The following GMDS variants were observed in gnomAD, a reference collection of about 807,000 sequenced individuals.
GMDS encodes GDP-mannose 4,6-dehydratase.
A neutral mutation model predicts 49.9 loss-of-function variants in GMDS; 20 were observed. The ratio of observed to expected loss-of-function variants is 0.40; its 90% CI spans 0.28 to 0.58. The LOEUF (loss-of-function observed/expected upper bound fraction) is 0.58. GMDS is among the 20% of genes least tolerant of loss of function. The pLI is 0.42. For synonymous variants in GMDS, 177 were observed against 178.6 expected, an observed-to-expected ratio of 0.99 and a Z score of 0.07; for missense variants, 362 against 481.4, an observed-to-expected ratio of 0.75 and a Z score of 2.32.
chr6:1,781,170 C>T (rs1769067382), intron 7 of GMDS, among the ~76,000 whole-genome samples: 1 of 152,054 alleles, frequency 6.6e-6, no homozygotes, highest in Non-Finnish European at 1.5e-5. Context: ...AGAAAATGGC[C>T]TTGTGTTTCA....
rs1239232231 is a variant in GMDS at position 1,938,997 on chromosome 6, CTCCT to C, written c.644-8771_644-8768del. 4.1e-3 allele frequency among the ~76,000 whole-genome samples: 568 copies of C among 137,664 alleles called. 3 individuals are homozygous for C. The highest frequency in any genetic ancestry group is 0.015 in the African/African-American group (550 of 36,548). The allele number at this position is 137,664 out of a possible 152,430, so 90.3% of individuals were successfully genotyped here. ...CCCCTCCCCTCCTCTCTCCTCTCCT[CTCCT>C]CTTCTCTTCTCTCTCTCTCTCTTTC... On this transcript the variant is annotated intron_variant, in intron 6 of 10. Coordinates refer to ENST00000380815, the MANE Select transcript of GMDS (RefSeq NM_001500.4).
Position 2,055,691 on chromosome 6 carries a change from A to C in GMDS, c.345+60080T>G, listed in dbSNP as rs141624094. ...CCACATTACCTAAAAAGGACTAACT[A>C]ACTCTGCGGATTAGGCACAGAACTG... On this transcript the variant is annotated intron_variant, in intron 4 of 10. Coordinates refer to ENST00000380815, the MANE Select transcript of GMDS (RefSeq NM_001500.4). Among the ~76,000 whole-genome samples, 44 of 152,266 alleles carry C rather than the reference A, an allele frequency of 2.9e-4. 1 individual carries two copies. Among genetic ancestry groups the C allele is most frequent in the African/African-American group, 9.9e-4 (41 of 41,550 alleles).
intron 4 of GMDS, among the ~76,000 whole-genome samples, chr6:1,970,865 A>AATCCATGCAG: frequency 6.6e-6 from 1 of 151,824 alleles, no homozygotes; most frequent in South Asian, 2.1e-4. Context: ...CTTAATACCT[A>AATCCATGCAG]GGTGATGGGA....
chr6:1,701,124 C>T (rs1765529168), intron 9 of GMDS, among the ~76,000 whole-genome samples: 2 of 152,118 alleles, frequency 1.3e-5, no homozygotes, highest in African/African-American at 4.8e-5. Context: ...ACCCATTTGC[C>T]CTCCTTCATT....
intron 1 of GMDS, among the ~76,000 whole-genome samples, chr6:2,144,347 G>A (rs1388447778): frequency 1.3e-5 from 2 of 152,218 alleles, no homozygotes; most frequent in African/African-American, 4.8e-5. Flanking sequence ...CGCCATGCAG[G>A]CCACACTGGA....
chr6:2,185,844 T>A (rs184621), intron 1 of GMDS, among the ~76,000 whole-genome samples: 6,167 of 152,242 alleles, frequency 0.041, 252 homozygotes, highest in South Asian at 0.13. Context: ...GGCTGCACCC[T>A]GAGTTTCTAG....
chr6:1,977,069 T>C (rs1345005320), intron 4 of GMDS, among the ~76,000 whole-genome samples: 2 of 152,026 alleles, frequency 1.3e-5, no homozygotes, highest in Non-Finnish European at 2.9e-5. Context: ...AATTGAGAAA[T>C]AGAAATTAGT....
chr6:2,132,353 G>A (rs893706915), intron 1 of GMDS, among the ~76,000 whole-genome samples: 1 of 152,130 alleles, frequency 6.6e-6, no homozygotes, highest in Admixed American at 6.5e-5. Flanking sequence ...GGTGTTATGG[G>A]ATGGAGGAGG....
At chr6:1,881,102 T>A (rs1438242517) in intron 7 of GMDS, among the ~76,000 whole-genome samples, 1 of 152,160 alleles carries the variant, frequency 6.6e-6, no homozygotes, top group Admixed American at 6.5e-5. Context: ...TATTTTTCTA[T>A]CATCAGTAAA....
At chr6:1,783,133 C>T (rs1367668283) in intron 7 of GMDS, among the ~76,000 whole-genome samples, 1 of 152,102 alleles carries the variant, frequency 6.6e-6, no homozygotes, top group South Asian at 2.1e-4. Flanking sequence ...CCAGCCTGGG[C>T]AACAGAGTGA....
intron 9 of GMDS, among the ~76,000 whole-genome samples, chr6:1,719,076 C>T (rs1424693310): frequency 1.3e-5 from 2 of 152,084 alleles, no homozygotes; most frequent in Admixed American, 6.5e-5. Context: ...AAGGACAGTT[C>T]CTATTGCTGA....
At chr6:1,691,115 C>T (rs1441536070) in intron 9 of GMDS, among the ~76,000 whole-genome samples, 1 of 152,120 alleles carries the variant, frequency 6.6e-6, no homozygotes, top group Non-Finnish European at 1.5e-5. Flanking sequence ...AACCCAAATG[C>T]TAATCAATGA....
At chr6:2,211,657 A>G (rs1780066870) in intron 1 of GMDS, among the ~76,000 whole-genome samples, 2 of 152,218 alleles carry the variant, frequency 1.3e-5, no homozygotes, top group South Asian at 4.1e-4. Context: ...AATAACTAGA[A>G]AAAATTTTTT....
intron 7 of GMDS, among the ~76,000 whole-genome samples, chr6:1,911,089 G>C (rs753007617): frequency 2.6e-5 from 4 of 152,166 alleles, no homozygotes; most frequent in Non-Finnish European, 5.9e-5. Flanking sequence ...CGAAAGCAAA[G>C]AAAACAGCAA....
chr6:2,022,860 A>G (rs1041512105), intron 4 of GMDS, among the ~76,000 whole-genome samples: 1 of 152,196 alleles, frequency 6.6e-6, no homozygotes, highest in African/African-American at 2.4e-5. Flanking sequence ...AGAACTTCCA[A>G]AACTCCAATA....
At chr6:1,666,376 T>G (rs1443597846) in intron 9 of GMDS, among the ~76,000 whole-genome samples, 1 of 152,164 alleles carries the variant, frequency 6.6e-6, no homozygotes, top group Admixed American at 6.5e-5. Flanking sequence ...GAATATTTCT[T>G]ATTTATGGAG....
intron 6 of GMDS, among the ~76,000 whole-genome samples, chr6:1,952,716 AGTTAGGC>A (rs1763415606): frequency 6.6e-6 from 1 of 152,084 alleles, no homozygotes; most frequent in Non-Finnish European, 1.5e-5. Flanking sequence ...AGAGAGGCTC[AGTTAGGC>A]GTTAGGCAAA....
intron 4 of GMDS, among the ~76,000 whole-genome samples, chr6:2,043,795 T>C (rs1416635705): frequency 6.6e-6 from 1 of 152,138 alleles, no homozygotes; most frequent in Non-Finnish European, 1.5e-5. Context: ...GAGAAAGTTT[T>C]TGCAAACTAT....
intron 7 of GMDS, among the ~76,000 whole-genome samples, chr6:1,755,538 T>G (rs944338690): frequency 1.6e-5 from 2 of 124,980 alleles, no homozygotes; most frequent in African/African-American, 5.3e-5. Context: ...AAATTTCATA[T>G]GGAACCAAAA....
Sources: allele counts gnomAD v4.1 joint callset (sites outside exome capture counted in the v4.1 genomes callset), GRCh38; gene constraint gnomAD v4.1.1; transcripts MANE v1.5; gene names NCBI Gene and HGNC (gene_info 2026-07-23, HGNC 2026-07-21).